Variants in RFTN2 observed in about 807,000 individuals in gnomAD.
RFTN2 encodes the protein raftlin-2.
RFTN2 carries 34 observed loss-of-function variants against 52.7 expected under a neutral mutation model. That is an observed-to-expected ratio of 0.64 (90% confidence interval 0.49 to 0.86). RFTN2 has a LOEUF of 0.86. RFTN2 is among the 40% of genes least tolerant of loss of function. The probability of loss-of-function intolerance (pLI) is 0.00; values close to 1 mark genes in which losing one functional copy is unlikely to be tolerated. For synonymous variants in RFTN2, 203 were observed against 217.7 expected (o/e 0.93, Z 0.59); for missense variants, 536 against 600.1 (o/e 0.89, Z 1.12).
intron 5 of RFTN2, among the ~76,000 whole-genome samples, chr2:197,619,399 G>A (rs1227121726): frequency 6.6e-6 from 1 of 152,248 alleles, no homozygotes; most frequent in African/African-American, 2.4e-5. Context: ...TCTGTACTAA[G>A]AGAAATTCTT....
intron 7 of RFTN2, among the ~76,000 whole-genome samples, chr2:197,605,436 C>T (rs972004372): frequency 3.9e-4 from 60 of 152,020 alleles, no homozygotes; most frequent in South Asian, 4.1e-4. Flanking sequence ...AGGATGATCT[C>T]GATCTCCTGA....
chr2:197,662,271 T>C (rs2088987254), intron 1 of RFTN2, among the ~76,000 whole-genome samples: 1 of 152,196 alleles, frequency 6.6e-6, no homozygotes, highest in Admixed American at 6.5e-5. Context: ...GGGTCTTATG[T>C]TTAAGTCTTT....
intron 3 of RFTN2, among the ~76,000 whole-genome samples, chr2:197,634,508 G>A (rs1308819283): frequency 6.6e-6 from 1 of 151,982 alleles, no homozygotes; most frequent in Non-Finnish European, 1.5e-5. Flanking sequence ...TAAAGCACAA[G>A]CCCAATTTAT....
rs1398875031 is a variant in RFTN2 at position 197,569,688 on chromosome 2, A to G, written c.*2320T>C. Reference sequence around the variant, plus strand: ...CTGGGTGCAGTGGCTCACACCTGTAATCCCAGCACATTGGGAGGCCAAGGT... The same window carrying G: ...CTGGGTGCAGTGGCTCACACCTGTAGTCCCAGCACATTGGGAGGCCAAGGT... On this transcript the variant is annotated 3_prime_UTR_variant, in exon 9 of 9. Transcript: ENST00000295049. 1 of 152,220 alleles carries G rather than the reference A, an allele frequency of 6.6e-6. No individual in the cohort carries two copies. The highest frequency in any genetic ancestry group is 1.5e-5 in the Non-Finnish European group (1 of 68,048). 9.4% of individuals were successfully genotyped at this position (152,220 alleles called of 1,614,324 possible). A position where few individuals can be genotyped will look rare whatever the true frequency, so the allele number is the denominator to read the frequency against.
intron 7 of RFTN2, among the ~76,000 whole-genome samples, chr2:197,607,625 G>T (rs1392594500): frequency 1.3e-5 from 2 of 151,968 alleles, no homozygotes; most frequent in Admixed American, 1.3e-4. Context: ...CTTAACATTT[G>T]CAACTCAAAA....
intron 8 of RFTN2, among the ~76,000 whole-genome samples, chr2:197,577,362 GAC>G (rs1349032561): frequency 2.0e-5 from 3 of 152,376 alleles, no homozygotes; most frequent in African/African-American, 4.8e-5. Flanking sequence ...CCCCAAGTTA[GAC>G]ACAGTTTGGT....
intron 1 of RFTN2, among the ~76,000 whole-genome samples, chr2:197,664,922 C>G (rs1191600779): frequency 6.6e-6 from 1 of 152,158 alleles, no homozygotes; most frequent in Non-Finnish European, 1.5e-5. Context: ...TTCATGTGGT[C>G]TAACGTCCGG....
At chr2:197,627,985 T>C (rs992317161) in intron 5 of RFTN2, among the ~76,000 whole-genome samples, 9 of 151,140 alleles carry the variant, frequency 6.0e-5, no homozygotes, top group Non-Finnish European at 1.2e-4. Context: ...CCATTCCTCA[T>C]GGTGGGCTAA....
chr2:197,590,862 G>A (rs780304768), intron 8 of RFTN2, among the ~76,000 whole-genome samples: 11 of 152,322 alleles, frequency 7.2e-5, no homozygotes, highest in Non-Finnish European at 1.0e-4. Context: ...AGCTCATAAA[G>A]ACAGTGTGGA....
chr2:197,600,696 A>G (rs2087865792), intron 7 of RFTN2, among the ~76,000 whole-genome samples: 1 of 152,152 alleles, frequency 6.6e-6, no homozygotes, highest in Non-Finnish European at 1.5e-5. Context: ...AATGCCCTGG[A>G]TGGTTTCAGA....
At chr2:197,648,839 G>A (rs1347190632) in intron 1 of RFTN2, among the ~76,000 whole-genome samples, 1 of 152,156 alleles carries the variant, frequency 6.6e-6, no homozygotes, top group East Asian at 1.9e-4. Context: ...TTCCTTCCCT[G>A]TTCTCCCAGC....
In RFTN2 at chr2:197,619,039, C is replaced by T. The variant is rs570978301; in HGVS notation, c.929-1118G>A. ...GTCAGCCCCCTGCCCGGCCAGCCGC[C>T]CTGTCCGGGAGGTGAGGGGTGCCTC... On this transcript the variant is annotated intron_variant, in intron 5 of 8. Transcript: ENST00000295049. Among the ~76,000 whole-genome samples the T allele has an allele frequency of 1.4e-3, 208 of 151,240 alleles. 1 individual carries two copies. Among genetic ancestry groups the T allele is most frequent in the Non-Finnish European group, 2.3e-3 (158 of 67,622 alleles).
chr2:197,650,128 A>C (rs950375866), intron 1 of RFTN2, among the ~76,000 whole-genome samples: 4 of 151,902 alleles, frequency 2.6e-5, no homozygotes, highest in Non-Finnish European at 4.4e-5. Flanking sequence ...AATGTATAAA[A>C]ATTGTAGGAA....
At chr2:197,612,836 A>T (rs2088084946) in intron 7 of RFTN2, among the ~76,000 whole-genome samples, 1 of 151,088 alleles carries the variant, frequency 6.6e-6, no homozygotes, top group South Asian at 2.1e-4. Flanking sequence ...AAAACAGCTT[A>T]TATATAGGCC....
At chr2:197,643,023 C>G (rs1169810189) in intron 3 of RFTN2, among the ~76,000 whole-genome samples, 2 of 152,130 alleles carry the variant, frequency 1.3e-5, no homozygotes, top group Non-Finnish European at 2.9e-5. Context: ...AATAGATATT[C>G]AGGAATACTG....
Position 197,665,517 on chromosome 2 carries a change from C to CTTTTTTTTTTTTTTTTTTTTTTTTTTT in RFTN2, c.139+9802_139+9803insAAAAAAAAAAAAAAAAAAAAAAAAAAA. Among the ~76,000 whole-genome samples, 65 of 41,432 alleles carry CTTTTTTTTTTTTTTTTTTTTTTTTTTT rather than the reference C, an allele frequency of 1.6e-3. 6 individuals are homozygous for CTTTTTTTTTTTTTTTTTTTTTTTTTTT. Among genetic ancestry groups the CTTTTTTTTTTTTTTTTTTTTTTTTTTT allele is most frequent in the Non-Finnish European group, 2.2e-3 (48 of 22,020 alleles). The allele number at this position is 41,432 out of a possible 152,430, so 27.2% of individuals were successfully genotyped here. On this transcript the variant is annotated intron_variant, in intron 1 of 8. Transcript: ENST00000295049. ...ATTCCTTTATCATTATGTACCTTGC[C>CTTTTTTTTTTTTTTTTTTTTTTTTTTT]TTTTTTTTTTTTTTTTACTGTTTTC...
chr2:197,645,482 T>A (rs2106250860), intron 2 of RFTN2, among the ~76,000 whole-genome samples: 1 of 152,318 alleles, frequency 6.6e-6, no homozygotes, highest in African/African-American at 2.4e-5. Flanking sequence ...AAAAATTTAA[T>A]GTGTTAATCT....
chr2:197,593,632 C>T (rs969684187), intron 8 of RFTN2, among the ~76,000 whole-genome samples: 1 of 151,956 alleles, frequency 6.6e-6, no homozygotes, highest in East Asian at 1.9e-4. Flanking sequence ...CTGACACCTG[C>T]AATCCCAGCA....
chr2:197,621,701 C>T (rs1439238321), intron 5 of RFTN2, among the ~76,000 whole-genome samples: 1 of 152,024 alleles, frequency 6.6e-6, no homozygotes, highest in Non-Finnish European at 1.5e-5. Flanking sequence ...TGGCCCTTCC[C>T]CCATCTCTCT....
Sources: gnomAD v4.1 joint callset for allele counts (sites outside exome capture counted in the v4.1 genomes callset) on GRCh38, gnomAD v4.1.1 for gene constraint, MANE v1.5 for transcripts, NCBI Gene and HGNC (gene_info 2026-07-23, HGNC 2026-07-21) for gene names.